Variants in TMEM132D observed in about 807,000 individuals in gnomAD.
TMEM132D encodes mature OL transmembrane protein.
In TMEM132D, 21 loss-of-function variants were observed where a neutral mutation model predicts 62.3. The observed-to-expected ratio is 0.34, with a 90% CI of 0.24 to 0.49. The LOEUF (loss-of-function observed/expected upper bound fraction) is 0.49. Among genes scored for constraint, TMEM132D ranks in the 20% least tolerant of loss-of-function variants. The pLI, the probability that TMEM132D is intolerant of heterozygous loss-of-function variation, is 0.99. For missense variants in TMEM132D, 1,346 were observed against 1,402.8 expected, an observed-to-expected ratio of 0.96 and a Z score of 0.65; for synonymous variants, 621 against 575.6, an observed-to-expected ratio of 1.08 and a Z score of -1.13.
chr12:129,366,789 G>A (rs1269903945), intron 3 of TMEM132D, among the ~76,000 whole-genome samples: 2 of 152,104 alleles, frequency 1.3e-5, no homozygotes, highest in African/African-American at 4.8e-5. Context: ...GGAGGGGGCC[G>A]AGAATCCTTC....
chr12:129,188,209 C>A (rs1399487587), intron 5 of TMEM132D, among the ~76,000 whole-genome samples: 3 of 152,294 alleles, frequency 2.0e-5, no homozygotes, highest in East Asian at 3.9e-4. Context: ...GCCCCACAAG[C>A]CTATGGAAGC....
intron 3 of TMEM132D, among the ~76,000 whole-genome samples, chr12:129,400,062 C>T (rs1216705679): frequency 1.3e-5 from 2 of 151,702 alleles, no homozygotes; most frequent in Admixed American, 1.3e-4. Context: ...TACAACAATA[C>T]ATTCTAGACA....
At chr12:129,579,169 C>T (rs1238190975) in intron 2 of TMEM132D, among the ~76,000 whole-genome samples, 3 of 152,186 alleles carry the variant, frequency 2.0e-5, no homozygotes, top group Non-Finnish European at 4.4e-5. Flanking sequence ...AATGCTGATC[C>T]TATCCTATTA....
At chr12:129,369,138 T>A (rs1048811686) in intron 3 of TMEM132D, among the ~76,000 whole-genome samples, 6 of 152,204 alleles carry the variant, frequency 3.9e-5, no homozygotes, top group African/African-American at 1.4e-4. Context: ...ACCTTTGTTC[T>A]ATGCAGCTGA....
chr12:129,448,869 A>G (rs932015436), intron 3 of TMEM132D, among the ~76,000 whole-genome samples: 1 of 152,206 alleles, frequency 6.6e-6, no homozygotes, highest in Admixed American at 6.5e-5. Flanking sequence ...TTTCTACACT[A>G]TATTTACTAG....
chr12:129,805,726 A>G lies in TMEM132D; in HGVS notation c.79+97535T>C, dbSNP rs1034123546. On this transcript the variant is annotated intron_variant, in intron 1 of 8. Transcript: ENST00000422113. ...TTAAACTAAAGAGCTTCTGCACAGCAAAAGAAACTACCATCAGAGTGAACA... is the reference window on the plus strand; with the variant it reads ...TTAAACTAAAGAGCTTCTGCACAGCGAAAGAAACTACCATCAGAGTGAACA... Among the ~76,000 whole-genome samples the G allele has an allele frequency of 3.4e-4, 52 of 151,392 alleles. 1 individual carries two copies. The highest frequency in any genetic ancestry group is 1.2e-3 in the African/African-American group (48 of 41,076).
intron 2 of TMEM132D, among the ~76,000 whole-genome samples, chr12:129,547,754 C>A (rs780166750): frequency 2.6e-5 from 4 of 152,148 alleles, no homozygotes; most frequent in South Asian, 2.1e-4. Flanking sequence ...AAAATCAATA[C>A]CCTACTAAAA....
At chr12:129,142,249 G>A (rs60673899) in intron 5 of TMEM132D, among the ~76,000 whole-genome samples, 6,109 of 152,146 alleles carry the variant, frequency 0.04, 401 homozygotes, top group African/African-American at 0.14. Context: ...TGCCCCTATC[G>A]TACGTTGATG....
intron 2 of TMEM132D, among the ~76,000 whole-genome samples, chr12:129,609,043 C>G (rs373959864): frequency 6.6e-6 from 1 of 151,600 alleles, no homozygotes; most frequent in South Asian, 2.1e-4. Flanking sequence ...TGGGTTCCAG[C>G]GATTCTCCTG....
At chr12:129,879,629 A>C (rs182299540) in intron 1 of TMEM132D, among the ~76,000 whole-genome samples, 13 of 152,250 alleles carry the variant, frequency 8.5e-5, no homozygotes, top group Non-Finnish European at 1.9e-4. Flanking sequence ...TGAAACACCT[A>C]GGGGGAATTT....
At chr12:129,475,287 CACTGTGGCCGGACCTT>C (rs745877309) in intron 3 of TMEM132D, among the ~76,000 whole-genome samples, 1 of 152,148 alleles carries the variant, frequency 6.6e-6, no homozygotes, top group Non-Finnish European at 1.5e-5. Context: ...CAAAGAAGGC[CACTGTGGCCGGACCTT>C]ACTGGACCAC....
In TMEM132D at chr12:129,517,702, G is replaced by A. The variant is rs528685648; in HGVS notation, c.1115+13357C>T. ...TGCAAAATTCAATCCACATCTTCTC[G>A]TAAATCCTGCCTGAGGTTTCTGATA... On this transcript the variant is annotated intron_variant, in intron 3 of 8. Transcript: ENST00000422113. Among the ~76,000 whole-genome samples the A allele has an allele frequency of 2.5e-4, 38 of 152,268 alleles. 1 individual carries two copies. The highest frequency in any genetic ancestry group is 8.2e-4 in the African/African-American group (34 of 41,552).
At chr12:129,585,194 A>G (rs575779348) in intron 2 of TMEM132D, among the ~76,000 whole-genome samples, 2 of 152,238 alleles carry the variant, frequency 1.3e-5, no homozygotes, top group Non-Finnish European at 2.9e-5. Flanking sequence ...AAATGAAATC[A>G]TCAGAATGGT....
At chr12:129,285,610 G>A (rs946763637) in intron 4 of TMEM132D, among the ~76,000 whole-genome samples, 3 of 151,298 alleles carry the variant, frequency 2.0e-5, no homozygotes, top group Admixed American at 1.3e-4. Context: ...GCTACCATTG[G>A]TGTATTACTT....
At chr12:129,681,774 AAC>A (rs1404341216) in intron 2 of TMEM132D, among the ~76,000 whole-genome samples, 1 of 152,174 alleles carries the variant, frequency 6.6e-6, no homozygotes, top group African/African-American at 2.4e-5. Context: ...TCTCCAATCC[AAC>A]ACACTCTCAT....
intron 5 of TMEM132D, among the ~76,000 whole-genome samples, chr12:129,088,569 C>T (rs1874756689): frequency 2.7e-5 from 1 of 37,234 alleles, no homozygotes; most frequent in Non-Finnish European, 4.5e-5. Flanking sequence ...TCCTCCCTGA[C>T]CGGGTGTCCT....
chr12:129,721,933 A>G (rs1201284538), intron 1 of TMEM132D, among the ~76,000 whole-genome samples: 2 of 152,206 alleles, frequency 1.3e-5, no homozygotes, highest in East Asian at 1.9e-4. Context: ...GGGAAACCCA[A>G]TCTTCTTAAT....
intron 3 of TMEM132D, among the ~76,000 whole-genome samples, chr12:129,342,766 G>T (rs1459005039): frequency 3.3e-5 from 5 of 152,080 alleles, no homozygotes; most frequent in Non-Finnish European, 7.3e-5. Flanking sequence ...GTGGGCGAAG[G>T]ATATGAACAG....
chr12:129,585,421 A>G (rs1350948073), intron 2 of TMEM132D, among the ~76,000 whole-genome samples: 1 of 152,228 alleles, frequency 6.6e-6, no homozygotes, highest in Non-Finnish European at 1.5e-5. Flanking sequence ...CAATTTTTCA[A>G]CACATTTGAA....
Sources: allele counts gnomAD v4.1 joint callset (sites outside exome capture counted in the v4.1 genomes callset), GRCh38; gene constraint gnomAD v4.1.1; transcripts MANE v1.5; gene names NCBI Gene and HGNC (gene_info 2026-07-23, HGNC 2026-07-21).